Variants in GRAMD1B observed in about 807,000 individuals in gnomAD.
The protein encoded by GRAMD1B is GRAM domain containing 1B.
A neutral mutation model predicts 99.7 loss-of-function variants in GRAMD1B; 37 were observed. The ratio of observed to expected loss-of-function variants is 0.37; its 90% CI spans 0.29 to 0.49. The LOEUF is 0.49. Ranked by LOEUF, GRAMD1B falls within the 20% of genes least tolerant of loss-of-function variation. The pLI, the probability that GRAMD1B is intolerant of heterozygous loss-of-function variation, is 0.98. For synonymous variants in GRAMD1B, 427 were observed against 387.6 expected (o/e 1.10, Z -1.19); for missense variants, 888 against 1,009.2 (o/e 0.88, Z 1.63).
chr11:123,482,999 T>C (rs1951695036), intron 2 of GRAMD1B, among the ~76,000 whole-genome samples: 1 of 149,912 alleles, frequency 6.7e-6, no homozygotes, highest in South Asian at 2.1e-4. Context: ...GAGGTTGCAG[T>C]GAGTCAAGAT....
At chr11:123,551,219 C>A (rs1265098031) in intron 2 of GRAMD1B, among the ~76,000 whole-genome samples, 1 of 152,158 alleles carries the variant, frequency 6.6e-6, no homozygotes, top group East Asian at 1.9e-4. Flanking sequence ...TCATTGGATG[C>A]GGTCTGTCCT....
chr11:123,529,969 G>A (rs1156426507), intron 2 of GRAMD1B, among the ~76,000 whole-genome samples: 1 of 152,060 alleles, frequency 6.6e-6, no homozygotes, highest in Non-Finnish European at 1.5e-5. Flanking sequence ...CAGTGTGCTG[G>A]AAGAATTTGA....
At position 123,481,717 on chromosome 11, in the gene GRAMD1B, G is replaced by A. The variant is rs150327941; in HGVS notation, c.452+824G>A. On this transcript the variant is annotated intron_variant, in intron 2 of 19. Coordinates refer to ENST00000635736, the MANE Select transcript of GRAMD1B (RefSeq NM_001387025.1). Reference sequence around the variant, plus strand: ...GGAGATACAGCTAACTAAGCACTCAGTGTGAGGACCAGCCAGCACCTGCTT... The same window carrying A: ...GGAGATACAGCTAACTAAGCACTCAATGTGAGGACCAGCCAGCACCTGCTT... Among the ~76,000 whole-genome samples, 698 of 152,344 alleles carry A rather than the reference G, an allele frequency of 4.6e-3. 2 individuals carry two copies. The highest frequency in any genetic ancestry group is 0.01 in the Middle Eastern group (3 of 294).
intron 2 of GRAMD1B, among the ~76,000 whole-genome samples, chr11:123,504,897 G>T (rs1318304601): frequency 6.6e-6 from 1 of 152,100 alleles, no homozygotes; most frequent in Non-Finnish European, 1.5e-5. Context: ...GGCCAGGCTG[G>T]TCTCAAACTC....
At chr11:123,593,774 G>C (rs1278173800) in intron 4 of GRAMD1B, among the ~76,000 whole-genome samples, 3 of 152,118 alleles carry the variant, frequency 2.0e-5, no homozygotes, top group Non-Finnish European at 4.4e-5. Flanking sequence ...GTGGATACCA[G>C]GAAGCACCCT....
Position 123,528,267 on chromosome 11 carries a change from C to G in GRAMD1B, c.452+47374C>G, listed in dbSNP as rs553259060. ...GGAGACTTGATAGAAGCAAGATGAC[C>G]AAATCTATTGACTACCTTGGTAGCA... On this transcript the variant is annotated intron_variant, in intron 2 of 19. Transcript: ENST00000635736. 2.6e-4 allele frequency among the ~76,000 whole-genome samples: 40 copies of G among 152,168 alleles called. 1 individual carries two copies. Among genetic ancestry groups the G allele is most frequent in the Non-Finnish European group, 1.3e-4 (9 of 68,010 alleles).
chr11:123,597,922 G>A (rs1951484651), intron 7 of GRAMD1B: 4 of 1,038,048 alleles, frequency 3.9e-6, no homozygotes, highest in South Asian at 1.3e-5. Context: ...TAGCCCCAAA[G>A]CTGAGCTACA....
intron 1 of GRAMD1B, among the ~76,000 whole-genome samples, chr11:123,391,232 CATGAG>C (rs1393712087): frequency 1.3e-5 from 2 of 152,176 alleles, no homozygotes; most frequent in African/African-American, 4.8e-5. Flanking sequence ...AAATTGAAAT[CATGAG>C]ATGAGAGCTC....
intron 3 of GRAMD1B, among the ~76,000 whole-genome samples, chr11:123,579,852 G>C (rs1002274477): frequency 6.6e-6 from 1 of 152,190 alleles, no homozygotes; most frequent in Non-Finnish European, 1.5e-5. Context: ...AATTCTGAGT[G>C]GGGTTTTGGA....
rs1007829698 is a variant in GRAMD1B, at chr11:123,598,612, G to C, written c.970-1856G>C. 10 of 1,462,312 alleles carry C rather than the reference G, an allele frequency of 6.8e-6. No homozygotes were observed. The South Asian group carries it at 1.1e-4, about 17-fold the overall frequency. The allele number at this position is 1,462,312 out of a possible 1,614,324, so 90.6% of individuals were successfully genotyped here. On this transcript the variant is annotated intron_variant, in intron 7 of 19. Transcript: ENST00000635736. ...TTGGTGCTGAATAGTCTCTGGGCTC[G>C]CTCTTCTGGGATCCTGCCACATTTC... is the stretch of plus-strand genomic sequence containing the variant.
rs139139427 is a variant in GRAMD1B at position 123,417,882 on chromosome 11, C to T, written c.-176+59083C>T. The stretch of plus-strand genomic sequence containing the variant: ...CATAGGAGGTGGAGGTTGCAGTGAG[C>T]AACCTGTAGCTGTGGCTACAGGCAC... On this transcript the variant is annotated intron_variant, in intron 1 of 20. Transcript: ENST00000638157. 7.6e-3 allele frequency among the ~76,000 whole-genome samples: 1,156 copies of T among 152,214 alleles called. 16 individuals carry two copies. Among genetic ancestry groups the T allele is most frequent in the African/African-American group, 0.027 (1,108 of 41,534 alleles).
chr11:123,514,469 A>G (rs1032712103), intron 2 of GRAMD1B, among the ~76,000 whole-genome samples: 16 of 152,166 alleles, frequency 1.1e-4, no homozygotes, highest in South Asian at 6.2e-4. Context: ...ATTAAATGCA[A>G]TGTCTTAGGA....
chr11:123,602,924 G>A (rs1226262367), intron 8 of GRAMD1B, among the ~76,000 whole-genome samples: 1 of 152,178 alleles, frequency 6.6e-6, no homozygotes, highest in Non-Finnish European at 1.5e-5. Context: ...CTTTGAGGTC[G>A]AACCTCATTC....
chr11:123,551,291 G>A (rs1030506528), intron 2 of GRAMD1B, among the ~76,000 whole-genome samples: 1 of 152,200 alleles, frequency 6.6e-6, no homozygotes, highest in African/African-American at 2.4e-5. Flanking sequence ...GCCCAGAAAG[G>A]GACTCAGCTG....
intron 1 of GRAMD1B, among the ~76,000 whole-genome samples, chr11:123,457,117 A>AGAAAGAAAGAAAGAAAGAAAAG: frequency 1.0e-5 from 1 of 99,436 alleles, no homozygotes; most frequent in Non-Finnish European, 2.2e-5. Context: ...TTCTGAGAAA[A>AGAAAGAAAGAAAGAAAGAAAAG]AAAGAAAGAA....
intron 2 of GRAMD1B, among the ~76,000 whole-genome samples, chr11:123,481,897 T>C (rs938883686): frequency 1.3e-5 from 2 of 152,172 alleles, no homozygotes; most frequent in African/African-American, 4.8e-5. Context: ...CTGTTTATCG[T>C]TTTTATCAAC....
At chr11:123,432,517 C>G (rs749642480) in intron 1 of GRAMD1B, among the ~76,000 whole-genome samples, 8 of 148,296 alleles carry the variant, frequency 5.4e-5, no homozygotes, top group Non-Finnish European at 8.9e-5. Context: ...GACTGTGCCA[C>G]TGCACTCCAG....
chr11:123,513,497 T>G (rs1941248249), intron 2 of GRAMD1B, among the ~76,000 whole-genome samples: 1 of 150,998 alleles, frequency 6.6e-6, no homozygotes, highest in South Asian at 2.1e-4. Context: ...CCTTTCTTTC[T>G]CCCTCTCTCT....
At chr11:123,379,944 G>A (rs116827338) in intron 1 of GRAMD1B, among the ~76,000 whole-genome samples, 2,225 of 152,190 alleles carry the variant, frequency 0.015, 57 homozygotes, top group African/African-American at 0.051. Context: ...GGCTCATGAC[G>A]TTCAGTATTT....
Sources: gnomAD v4.1 joint callset for allele counts (sites outside exome capture counted in the v4.1 genomes callset) on GRCh38, gnomAD v4.1.1 for gene constraint, MANE v1.5 for transcripts, NCBI Gene and HGNC (gene_info 2026-07-23, HGNC 2026-07-21) for gene names.